The following ADCY9 variants were observed in gnomAD, a reference collection of about 807,000 sequenced individuals.
ADCY9 encodes adenylate cyclase 9, also known as adenylate cyclase type 9.
A neutral mutation model predicts 101.5 loss-of-function variants in ADCY9; 50 were observed. That is an observed-to-expected ratio of 0.49 (90% CI 0.39 to 0.62). ADCY9 has a LOEUF of 0.62. Among genes scored for constraint, ADCY9 ranks in the 20% least tolerant of loss-of-function variants. The pLI is 0.00. For missense variants in ADCY9, 1,662 were observed against 1,800.4 expected, an observed-to-expected ratio of 0.92 and a Z score of 1.39; for synonymous variants, 905 against 769.3, an observed-to-expected ratio of 1.18 and a Z score of -2.92.
chr16:4,089,077 C>T (rs993309969), intron 2 of ADCY9, among the ~76,000 whole-genome samples: 8 of 151,904 alleles, frequency 5.3e-5, no homozygotes, highest in Admixed American at 4.6e-4. Flanking sequence ...TCATATAAAA[C>T]GTGGCATTTG....
intron 5 of ADCY9, among the ~76,000 whole-genome samples, chr16:3,989,840 T>C (rs1281212620): frequency 6.6e-6 from 1 of 152,226 alleles, no homozygotes; most frequent in Non-Finnish European, 1.5e-5. Context: ...CCGGCGGTCC[T>C]GTCATTCAGA....
intron 2 of ADCY9, among the ~76,000 whole-genome samples, chr16:4,105,305 T>C (rs947627457): frequency 1.3e-5 from 2 of 152,116 alleles, no homozygotes; most frequent in Non-Finnish European, 2.9e-5. Flanking sequence ...ATACTGTAAA[T>C]ATCAATAGAC....
At position 3,963,119 on chromosome 16, in the gene ADCY9, TATATATATATATATATATATA is replaced by T; in HGVS notation, c.*2635_*2655del. ...TACCATATATATATATATATATATA[TATATATATATATATATATATA>T]TATGGATATATAATTCGATCTGAGC... On this transcript the variant is annotated 3_prime_UTR_variant, in exon 11 of 11. Coordinates refer to ENST00000294016, the MANE Select transcript of ADCY9 (RefSeq NM_001116.4). 2.4e-5 allele frequency: 1 copy of T among 41,398 alleles called. No individual in the cohort carries two copies. Among genetic ancestry groups the T allele is most frequent in the Non-Finnish European group, 1.4e-4 (1 of 7,108 alleles). 2.6% of individuals were successfully genotyped at this position (41,398 alleles called of 1,614,324 possible).
chr16:3,984,957 G>A (rs1354376148), intron 6 of ADCY9, among the ~76,000 whole-genome samples: 1 of 152,102 alleles, frequency 6.6e-6, no homozygotes, highest in Non-Finnish European at 1.5e-5. Flanking sequence ...GAGCAAGGCT[G>A]CCAGTCAGCC....
intron 2 of ADCY9, among the ~76,000 whole-genome samples, chr16:4,056,811 T>C (rs150452605): frequency 1.3e-5 from 2 of 152,202 alleles, no homozygotes; most frequent in Non-Finnish European, 2.9e-5. Flanking sequence ...TGCAGAGGTT[T>C]ACCTGTGTTT....
chr16:4,052,969 TCA>T (rs1398344168), intron 2 of ADCY9, among the ~76,000 whole-genome samples: 1 of 152,214 alleles, frequency 6.6e-6, no homozygotes, highest in Non-Finnish European at 1.5e-5. Flanking sequence ...TGTCAGGGAC[TCA>T]CAAGAGTCAC....
chr16:4,076,425 G>A (rs1035534557), intron 2 of ADCY9, among the ~76,000 whole-genome samples: 1 of 152,096 alleles, frequency 6.6e-6, no homozygotes, highest in East Asian at 1.9e-4. Context: ...AAAGAAAAAG[G>A]CTCCAGTTTT....
rs545815695 is a variant in ADCY9 at position 4,015,106 on chromosome 16, AT to A, written c.1694-7549del. On this transcript the variant is annotated intron_variant, in intron 2 of 10. Coordinates refer to ENST00000294016, the MANE Select transcript of ADCY9 (RefSeq NM_001116.4). Reference sequence around the variant, plus strand: ...AGGCACCCACCACTATGCCTGGCTAATTTTTTTTGTATTTTTAGTAGAGATG... The same window carrying A: ...AGGCACCCACCACTATGCCTGGCTAATTTTTTTGTATTTTTAGTAGAGATG... Among the ~76,000 whole-genome samples the A allele has an allele frequency of 4.0e-5, 6 of 151,030 alleles. No homozygotes were observed. In the South Asian group the frequency reaches 1.0e-3, roughly 26 times the overall value.
chr16:4,022,638 G>A (rs1222177935), intron 2 of ADCY9, among the ~76,000 whole-genome samples: 2 of 151,080 alleles, frequency 1.3e-5, no homozygotes, highest in African/African-American at 2.4e-5. Context: ...TTTTTAAAAG[G>A]AGAAAATAGG....
chr16:4,103,003 C>T (rs1314275028), intron 2 of ADCY9, among the ~76,000 whole-genome samples: 1 of 152,184 alleles, frequency 6.6e-6, no homozygotes, highest in Non-Finnish European at 1.5e-5. Flanking sequence ...ATTACAGGCA[C>T]GAGCCATGGC....
chr16:4,072,631 T>A (rs1178146818), intron 2 of ADCY9, among the ~76,000 whole-genome samples: 1 of 152,012 alleles, frequency 6.6e-6, no homozygotes, highest in Non-Finnish European at 1.5e-5. Context: ...AAGAAAATGC[T>A]TGAAGAAGAA....
In ADCY9 at chr16:4,097,487, T is replaced by TATATATACACACACACACAC. The variant is rs76750792; in HGVS notation, c.1693+16262_1693+16263insGTGTGTGTGTGTGTATATAT. On this transcript the variant is annotated intron_variant, in intron 2 of 10. Coordinates refer to ENST00000294016, the MANE Select transcript of ADCY9 (RefSeq NM_001116.4). Reference sequence around the variant, plus strand: ...ATATATATATATATATATATATATATACACACACACACACTATATATATGT... The same window carrying TATATATACACACACACACAC: ...ATATATATATATATATATATATATATATATATACACACACACACACACACACACACACACTATATATATGT... Among the ~76,000 whole-genome samples the TATATATACACACACACACAC allele has an allele frequency of 1.0e-3, 74 of 72,446 alleles. 1 individual carries two copies. Among genetic ancestry groups the TATATATACACACACACACAC allele is most frequent in the Non-Finnish European group, 1.3e-3 (50 of 37,638 alleles). The allele number at this position is 72,446 out of a possible 152,430, so 47.5% of individuals were successfully genotyped here. A position where few individuals can be genotyped will look rare whatever the true frequency, so the allele number is the denominator to read the frequency against.
chr16:4,075,752 G>A lies in ADCY9; in HGVS notation c.1693+37998C>T, dbSNP rs1025886250. ...GGAATGGCGGCTGGGGCAGCGGGGG[G>A]GCCAGGCGGGAGGGCTCAGGAAAAG... On this transcript the variant is annotated intron_variant, in intron 2 of 10. Transcript: ENST00000294016. 3.9e-5 allele frequency among the ~76,000 whole-genome samples: 6 copies of A among 152,250 alleles called. No homozygotes were observed. In the South Asian group the frequency reaches 1.2e-3, roughly 32 times the overall value.
chr16:4,108,473 G>T (rs1008201700), intron 2 of ADCY9, among the ~76,000 whole-genome samples: 19 of 134,632 alleles, frequency 1.4e-4, no homozygotes. Context: ...TCCTGGGTTC[G>T]AACGATTCTC....
At chr16:3,958,693 A>C (rs1382611179), downstream of ADCY9, among the ~76,000 whole-genome samples, 1 of 7,520 alleles carries the variant, frequency 1.3e-4, no homozygotes, top group East Asian at 4.4e-3. Flanking sequence ...TTTTTTTTTG[A>C]GAGAATCTTG....
chr16:4,091,871 C>T (rs1049449562), intron 2 of ADCY9, among the ~76,000 whole-genome samples: 1 of 152,166 alleles, frequency 6.6e-6, no homozygotes, highest in African/African-American at 2.4e-5. Context: ...GAAAACGCTT[C>T]GGAATTAGAC....
intron 2 of ADCY9, among the ~76,000 whole-genome samples, chr16:4,050,713 CAAA>C (rs5815192): frequency 1.4e-5 from 1 of 69,660 alleles, no homozygotes; most frequent in Non-Finnish European, 2.5e-5. Context: ...AACTCCGTCT[CAAA>C]AAAAAAAAAA....
At chr16:3,954,984 T>G (rs1010480349) in intron 5 of ADCY9, among the ~76,000 whole-genome samples, 1 of 152,128 alleles carries the variant, frequency 6.6e-6, no homozygotes, top group South Asian at 2.1e-4. Flanking sequence ...CTGTCATCAT[T>G]CTGCCAGTAT....
intron 2 of ADCY9, among the ~76,000 whole-genome samples, chr16:4,041,364 C>T (rs1015314482): frequency 6.6e-6 from 1 of 151,940 alleles, no homozygotes; most frequent in Admixed American, 6.6e-5. Context: ...TGTAGCTGGG[C>T]GTAGTGGTTT....
Sources: allele counts gnomAD v4.1 joint callset (sites outside exome capture counted in the v4.1 genomes callset), GRCh38; gene constraint gnomAD v4.1.1; transcripts MANE v1.5; gene names NCBI Gene and HGNC (gene_info 2026-07-23, HGNC 2026-07-21).